NELL1: variants seen among roughly 807,000 people sequenced by gnomAD.
NELL1 encodes neural EGFL like 1, also known as protein kinase C-binding protein NELL1.
NELL1 carries 76 observed loss-of-function variants against 107.4 expected under a neutral mutation model. The ratio of observed to expected loss-of-function variants is 0.71; its 90% CI spans 0.59 to 0.86. NELL1 has a LOEUF of 0.86. Among genes scored for constraint, NELL1 ranks in the 40% least tolerant of loss-of-function variants. The probability of loss-of-function intolerance (pLI) is 0.00; values close to 1 mark genes in which losing one functional copy is unlikely to be tolerated. For missense variants in NELL1, 1,024 were observed against 1,005.5 expected (o/e 1.02, Z -0.25); for synonymous variants, 353 against 341.2 (o/e 1.03, Z -0.38).
At chr11:20,840,985 T>C (rs1848611330) in intron 3 of NELL1, among the ~76,000 whole-genome samples, 1 of 152,258 alleles carries the variant, frequency 6.6e-6, no homozygotes, top group Non-Finnish European at 1.5e-5. Context: ...TGCCCATTGT[T>C]ACTTTTCAGC....
At chr11:21,134,713 A>C (rs544855041) in intron 13 of NELL1, among the ~76,000 whole-genome samples, 35 of 152,286 alleles carry the variant, frequency 2.3e-4, no homozygotes, top group Admixed American at 4.6e-4. Context: ...CTTTTGGCAC[A>C]GTTTTAAGTA....
intron 4 of NELL1, among the ~76,000 whole-genome samples, chr11:20,884,747 T>C (rs542017743): frequency 9.9e-5 from 15 of 152,190 alleles, no homozygotes; most frequent in Admixed American, 2.0e-4. Context: ...TTTCTTCATA[T>C]ATAGAATTTT....
chr11:21,454,951 TA>T (rs1853688429), intron 15 of NELL1, among the ~76,000 whole-genome samples: 1 of 152,238 alleles, frequency 6.6e-6, no homozygotes, highest in Admixed American at 6.5e-5. Context: ...ATTTAGTCCA[TA>T]ACAGTGTGTT....
At chr11:20,931,784 A>G (rs1391446580) in intron 9 of NELL1, among the ~76,000 whole-genome samples, 4 of 151,388 alleles carry the variant, frequency 2.6e-5, no homozygotes, top group Admixed American at 2.6e-4. Context: ...CCTTATTTTG[A>G]TTTTTTTTCA....
At chr11:21,170,495 A>G (rs540704705) in intron 13 of NELL1, among the ~76,000 whole-genome samples, 2 of 151,876 alleles carry the variant, frequency 1.3e-5, no homozygotes, top group African/African-American at 4.9e-5. Context: ...TTTTCCTCCA[A>G]AAAAATTTAA....
At chr11:21,138,508 G>A (rs1855794251) in intron 13 of NELL1, among the ~76,000 whole-genome samples, 1 of 152,138 alleles carries the variant, frequency 6.6e-6, no homozygotes, top group Non-Finnish European at 1.5e-5. Flanking sequence ...TGTTTTGGGT[G>A]CAGAGCCTGT....
chr11:20,673,853 T>G (rs2133845350), intron 1 of NELL1, among the ~76,000 whole-genome samples: 1 of 151,978 alleles, frequency 6.6e-6, no homozygotes, highest in African/African-American at 2.4e-5. Context: ...TTTTTTTTTT[T>G]TATGAGACCA....
At chr11:21,376,939 C>A (rs117248327) in intron 15 of NELL1, among the ~76,000 whole-genome samples, 1,958 of 152,040 alleles carry the variant, frequency 0.013, 16 homozygotes, top group Non-Finnish European at 0.02. Flanking sequence ...ACTCCAGAAG[C>A]CTTTTGGTAG....
intron 15 of NELL1, among the ~76,000 whole-genome samples, chr11:21,492,610 C>T (rs867360728): frequency 0.03 from 4,594 of 151,248 alleles, 222 homozygotes; most frequent in African/African-American, 0.11. Context: ...ATGGATGAAA[C>T]TGGAAATCAT....
chr11:20,929,012 T>TCTA (rs1467181730), intron 9 of NELL1, among the ~76,000 whole-genome samples: 1 of 152,250 alleles, frequency 6.6e-6, no homozygotes, highest in African/African-American at 2.4e-5. Flanking sequence ...ATGCTTTAAA[T>TCTA]CTACTAGCTT....
chr11:21,027,275 G>A (rs1321687366), intron 12 of NELL1, among the ~76,000 whole-genome samples: 1 of 148,362 alleles, frequency 6.7e-6, no homozygotes, highest in Non-Finnish European at 1.5e-5. Context: ...GTTAATCTGG[G>A]AAAAGCCTAG....
intron 12 of NELL1, among the ~76,000 whole-genome samples, chr11:21,069,056 G>A (rs1052931708): frequency 6.6e-5 from 10 of 152,096 alleles, no homozygotes; most frequent in African/African-American, 2.4e-4. Flanking sequence ...TTTCTTTCTT[G>A]TGGAAACACT....
chr11:21,258,757 C>A (rs781401114), intron 14 of NELL1, among the ~76,000 whole-genome samples: 3 of 151,900 alleles, frequency 2.0e-5, no homozygotes, highest in Non-Finnish European at 4.4e-5. Flanking sequence ...CCTAGTCAAG[C>A]TGACACATAA....
At chr11:21,370,709 TTC>T in intron 14 of NELL1, 142 bp from the exon 15 acceptor site, 2 of 603,644 alleles carry the variant, frequency 3.3e-6, no homozygotes, top group Non-Finnish European at 5.8e-6. Flanking sequence ...TTATTTCTTT[TTC>T]TGTATGGAAT....
At chr11:21,571,104 T>C (rs527407092) in intron 18 of NELL1, among the ~76,000 whole-genome samples, 164 bp downstream of exon 18, 80 of 152,000 alleles carry the variant, frequency 5.3e-4, no homozygotes, top group Admixed American at 1.1e-3. Context: ...ATTCAGGTTG[T>C]ATTTGAAATA....
rs182234047 is a variant in NELL1 at position 21,200,214 on chromosome 11, T to C, written c.1427-29118T>C. On this transcript the variant is annotated intron_variant, in intron 13 of 19. Transcript: ENST00000357134. The stretch of plus-strand genomic sequence containing the variant: ...TTTCTAGTTCTAGATCCTTGAGGAA[T>C]CGCCACACTGTCTTCCACAATGGTT... Among the ~76,000 whole-genome samples, 713 of 152,286 alleles carry C rather than the reference T, an allele frequency of 4.7e-3. 3 individuals are homozygous for C. Among genetic ancestry groups the C allele is most frequent in the Non-Finnish European group, 8.0e-3 (545 of 68,016 alleles).
chr11:21,151,041 G>A (rs2133786563), intron 13 of NELL1, among the ~76,000 whole-genome samples: 1 of 152,158 alleles, frequency 6.6e-6, no homozygotes, highest in South Asian at 2.1e-4. Flanking sequence ...AATCAGCAAG[G>A]GGAAATCCAC....
intron 14 of NELL1, among the ~76,000 whole-genome samples, chr11:21,361,022 G>C (rs911007220): frequency 1.3e-5 from 2 of 152,022 alleles, no homozygotes; most frequent in African/African-American, 4.8e-5. Flanking sequence ...TTTATACCTT[G>C]TTCTTTTTCC....
chr11:21,543,184 G>T (rs1221128730), intron 16 of NELL1, among the ~76,000 whole-genome samples: 3 of 152,008 alleles, frequency 2.0e-5, no homozygotes, highest in Non-Finnish European at 4.4e-5. Context: ...TGGTTAAATA[G>T]CATGCCACCT....
Sources: gnomAD v4.1 joint callset for allele counts (sites outside exome capture counted in the v4.1 genomes callset) on GRCh38, gnomAD v4.1.1 for gene constraint, MANE v1.5 for transcripts, NCBI Gene and HGNC (gene_info 2026-07-23, HGNC 2026-07-21) for gene names.